The following ABI3BP variants were observed in gnomAD, a reference collection of about 807,000 sequenced individuals.
ABI3BP encodes target of Nesh-SH3.
A neutral mutation model predicts 268.6 loss-of-function variants in ABI3BP; 216 were observed. The observed-to-expected ratio is 0.80, with a 90% CI of 0.72 to 0.90. The LOEUF is 0.90. Among genes scored for constraint, ABI3BP ranks in the 40% least tolerant of loss-of-function variants. The pLI, the probability that ABI3BP is intolerant of heterozygous loss-of-function variation, is 0.00. For missense variants in ABI3BP, 2,090 were observed against 2,182.4 expected (o/e 0.96, Z 0.84); for synonymous variants, 730 against 730.0 (o/e 1.00, Z 0.00).
In ABI3BP at chr3:100,811,239, T is replaced by A; in HGVS notation, c.3532A>T (p.Thr1178Ser). The change falls in exon 48 of 68, where the codon ACC (threonine) becomes TCC (serine). Residue 1178 changes from threonine to serine, a missense_variant. Coordinates refer to ENST00000471714, the MANE Select transcript of ABI3BP (RefSeq NM_001375547.2). ...SITYVSEPPE[T>S]TLETSPLPSQ... ...CTACCGAGGTTATTACCTAGTGTGGTCTCAGGTGGTTCAGATACATATGTA... is the reference window on the plus strand; with the variant it reads ...CTACCGAGGTTATTACCTAGTGTGGACTCAGGTGGTTCAGATACATATGTA... The A allele has an allele frequency of 6.5e-7, 1 of 1,531,584 alleles. No individual in the cohort carries two copies. Among genetic ancestry groups the A allele is most frequent in the Non-Finnish European group, 8.7e-7 (1 of 1,144,490 alleles). 94.9% of individuals were successfully genotyped at this position (1,531,584 alleles called of 1,614,324 possible).
chr3:100,932,572 G>A (rs949757364), intron 1 of ABI3BP, among the ~76,000 whole-genome samples: 4 of 151,938 alleles, frequency 2.6e-5, no homozygotes, highest in Admixed American at 2.0e-4. Flanking sequence ...GAAGACATAC[G>A]TGTGGCCAAC....
At chr3:100,834,642 C>A in intron 29 of ABI3BP, 42 bp downstream of exon 29, 1 of 1,521,860 alleles carries the variant, frequency 6.6e-7, no homozygotes, top group Non-Finnish European at 8.8e-7. Context: ...CATGCCACAT[C>A]CAATGGGATG....
At chr3:100,810,078 A>T (rs919414737) in intron 49 of ABI3BP, among the ~76,000 whole-genome samples, 1 of 152,134 alleles carries the variant, frequency 6.6e-6, no homozygotes, top group African/African-American at 2.4e-5. Context: ...ACATGATCAT[A>T]GAACTTGTAA....
intron 51 of ABI3BP, among the ~76,000 whole-genome samples, chr3:100,799,007 A>C (rs2097441864): frequency 6.6e-6 from 1 of 151,766 alleles, no homozygotes; most frequent in Non-Finnish European, 1.5e-5. Context: ...ATCTCATTTG[A>C]GGCCTTTTAC....
chr3:100,870,496 T>C lies in ABI3BP; in HGVS notation c.911-3540A>G, dbSNP rs575687349. Among the ~76,000 whole-genome samples, 10 of 152,172 alleles carry C rather than the reference T, an allele frequency of 6.6e-5. No homozygotes were observed. In the East Asian group the frequency reaches 1.9e-3, roughly 29 times the overall value. On this transcript the variant is annotated intron_variant, in intron 9 of 67. Coordinates refer to ENST00000471714, the MANE Select transcript of ABI3BP (RefSeq NM_001375547.2). ...ATGCAAAATTAAGACCACACTGAGA[T>C]ATCACCTCACTTCTGTTAGGATGGA...
intron 32 of ABI3BP, among the ~76,000 whole-genome samples, chr3:100,830,110 CATATATATATATAT>C (rs559297681): frequency 0.027 from 1,199 of 44,476 alleles, 23 homozygotes; most frequent in South Asian, 0.041. Context: ...TACATACATA[CATATATATATATAT>C]ATATATATAT....
Position 100,751,543 on chromosome 3 carries a change from A to C in ABI3BP, c.5245+9T>G. The C allele has an allele frequency of 6.3e-7, 1 of 1,580,174 alleles. No homozygotes were observed. On this transcript the variant is annotated intron_variant, in intron 67 of 67. Transcript: ENST00000471714. ...ACTCTGTTCTTATGAGGAGGATCAGAAAACATACCTTCTTTGATTGGTAAC... is the reference window on the plus strand; with the variant it reads ...ACTCTGTTCTTATGAGGAGGATCAGCAAACATACCTTCTTTGATTGGTAAC...
intron 2 of ABI3BP, among the ~76,000 whole-genome samples, chr3:100,912,889 G>A (rs562507234): frequency 1.3e-5 from 2 of 152,266 alleles, no homozygotes; most frequent in Admixed American, 6.5e-5. Context: ...CAGCGCCCTG[G>A]GCTCTGTGAC....
chr3:100,789,684 C>T (rs1247225308), intron 55 of ABI3BP, among the ~76,000 whole-genome samples, 168 bp from the exon 56 acceptor site: 3 of 151,922 alleles, frequency 2.0e-5, no homozygotes, highest in African/African-American at 2.4e-5. Flanking sequence ...GAAAATAAAA[C>T]AAAGAAAATA....
At position 100,818,072 on chromosome 3, in the gene ABI3BP, C is replaced by T. The variant is rs181151241; in HGVS notation, c.3088+453G>A. On this transcript the variant is annotated intron_variant, in intron 41 of 67. Transcript: ENST00000471714. ...CTCTCATTAAAACTTTCAAGACTTA[C>T]GTACATTTTACAATTTGACAATTTA... is the stretch of plus-strand genomic sequence containing the variant. Among the ~76,000 whole-genome samples the T allele has an allele frequency of 9.2e-5, 14 of 152,248 alleles. No homozygotes were observed. The East Asian group carries it at 2.1e-3, about 23-fold the overall frequency.
At chr3:100,970,702 G>A (rs2083236237) in intron 1 of ABI3BP, among the ~76,000 whole-genome samples, 2 of 152,192 alleles carry the variant, frequency 1.3e-5, no homozygotes, top group African/African-American at 2.4e-5. Flanking sequence ...TCCTCGCAGG[G>A]TAGTTCCACC....
In ABI3BP at chr3:100,840,156, T is replaced by G; in HGVS notation, c.1813A>C (p.Lys605Gln). The change falls in exon 23 of 68, where the codon AAG becomes CAG. Residue 605 changes from lysine (K) to glutamine (Q), a missense_variant. Lys to Gln is a moderately conservative substitution (Grantham distance 53, BLOSUM62 1). Transcript: ENST00000471714. ...TKPSTTLAPR[K>Q]TKRPGRRPRP... ...GGGCGACGACCTGGTCTTTTGGTCT[T>G]TCGTGGTGCTGAAGAAAGAAAATTA... The G allele has an allele frequency of 6.5e-7, 1 of 1,531,038 alleles. No individual in the cohort carries two copies. The allele number at this position is 1,531,038 out of a possible 1,614,324, so 94.8% of individuals were successfully genotyped here. A position where few individuals can be genotyped will look rare whatever the true frequency, so the allele number is the denominator to read the frequency against.
At chr3:100,872,473 G>A (rs1229553250) in intron 9 of ABI3BP, among the ~76,000 whole-genome samples, 2 of 152,240 alleles carry the variant, frequency 1.3e-5, no homozygotes, top group South Asian at 4.1e-4. Context: ...ACATCTTCCA[G>A]TTTAAAACTG....
rs555511049 is a variant in ABI3BP at position 100,969,162 on chromosome 3, G to A, written c.79+24144C>T. Among the ~76,000 whole-genome samples the A allele has an allele frequency of 2.6e-5, 4 of 152,290 alleles. No homozygotes were observed. In the South Asian group the frequency reaches 8.3e-4, roughly 32 times the overall value. On this transcript the variant is annotated intron_variant, in intron 1 of 67. Coordinates refer to ENST00000471714, the MANE Select transcript of ABI3BP (RefSeq NM_001375547.2). ...AGTCACAGACTTGAATCAGAGCCAG[G>A]ACTTCCACACATACAGCCTGCAGTA...
chr3:100,910,786 T>C (rs1159239566), intron 2 of ABI3BP, among the ~76,000 whole-genome samples: 1 of 152,210 alleles, frequency 6.6e-6, no homozygotes, highest in Non-Finnish European at 1.5e-5. Flanking sequence ...AAACATACTT[T>C]ACAAATTAAA....
intron 56 of ABI3BP, among the ~76,000 whole-genome samples, chr3:100,788,537 A>T (rs1347891663): frequency 6.6e-6 from 1 of 152,042 alleles, no homozygotes. Context: ...GTGCTCGGTC[A>T]TTATTAGCCA....
At chr3:100,939,726 G>A (rs921527680) in intron 1 of ABI3BP, among the ~76,000 whole-genome samples, 3 of 152,106 alleles carry the variant, frequency 2.0e-5, no homozygotes, top group South Asian at 4.1e-4. Flanking sequence ...CACTGTCATT[G>A]ATAACATCTT....
At chr3:100,919,714 A>G (rs952864082) in intron 2 of ABI3BP, among the ~76,000 whole-genome samples, 1 of 152,212 alleles carries the variant, frequency 6.6e-6, no homozygotes, top group Non-Finnish European at 1.5e-5. Context: ...TCATGCACTT[A>G]TTTTTATCTG....
At position 100,812,469 on chromosome 3, in the gene ABI3BP, A is replaced by G. The variant is rs769699662; in HGVS notation, c.3419T>C (p.Ile1140Thr). The change falls in exon 46 of 68, where the codon ATA becomes ACA. Residue 1140 changes from isoleucine (I) to threonine (T), a missense_variant and splice_region_variant. By Grantham distance (89) the Ile-to-Thr change is moderately conservative. Transcript: ENST00000471714. ...TTCCCATTGGGGAACATTTTTACCT[A>G]TGGTCTCCTTTGGTGACTCAGTACT... ...TLSTESPKET[I>T]APAKTDYVYP... 38 of 1,300,112 alleles carry G rather than the reference A, an allele frequency of 2.9e-5. No homozygotes were observed. The highest frequency in any genetic ancestry group is 2.9e-6 in the Non-Finnish European group (3 of 1,024,374). The allele number at this position is 1,300,112 out of a possible 1,614,324, so 80.5% of individuals were successfully genotyped here.
Sources: gnomAD v4.1 joint callset for allele counts (sites outside exome capture counted in the v4.1 genomes callset) on GRCh38, gnomAD v4.1.1 for gene constraint, MANE v1.5 for transcripts, NCBI Gene and HGNC (gene_info 2026-07-23, HGNC 2026-07-21) for gene names.